RSRC1: variants seen among roughly 807,000 people sequenced by gnomAD.
RSRC1 encodes arginine and serine rich coiled-coil 1.
Under a neutral mutation model 49.1 loss-of-function variants are expected in RSRC1, and 39 were observed. The ratio of observed to expected loss-of-function variants is 0.79; its 90% confidence interval spans 0.61 to 1.04. The LOEUF (loss-of-function observed/expected upper bound fraction) is 1.04. Ranked by LOEUF, RSRC1 falls within the 50% of genes least tolerant of loss-of-function variation. RSRC1 has a pLI of 0.00. For synonymous variants in RSRC1, 143 were observed against 130.8 expected (o/e 1.09, Z -0.63); for missense variants, 388 against 402.4 (o/e 0.96, Z 0.31).
chr3:158,420,709 ATC>A (rs1734995431), intron 6 of RSRC1, among the ~76,000 whole-genome samples: 1 of 151,946 alleles, frequency 6.6e-6, no homozygotes, highest in Non-Finnish European at 1.5e-5. Flanking sequence ...AGGTTTTTAT[ATC>A]TCTAAATTAT....
intron 6 of RSRC1, among the ~76,000 whole-genome samples, chr3:158,417,560 G>A (rs1259790545): frequency 6.6e-6 from 1 of 151,838 alleles, no homozygotes; most frequent in African/African-American, 2.4e-5. Flanking sequence ...TGAGACATAC[G>A]AGTGATTAGG....
chr3:158,449,310 G>A (rs906430769), intron 6 of RSRC1, among the ~76,000 whole-genome samples: 3 of 151,736 alleles, frequency 2.0e-5, no homozygotes, highest in Non-Finnish European at 4.4e-5. Flanking sequence ...ATGAAAATAC[G>A]GTTGCTGAAA....
At chr3:158,159,416 A>G (rs1276710732) in intron 3 of RSRC1, among the ~76,000 whole-genome samples, 1 of 152,204 alleles carries the variant, frequency 6.6e-6, no homozygotes, top group Non-Finnish European at 1.5e-5. Flanking sequence ...TATTATTAGT[A>G]TAGCCCTTTA....
intron 7 of RSRC1, among the ~76,000 whole-genome samples, chr3:158,507,863 A>G (rs569027347): frequency 1.3e-5 from 2 of 152,232 alleles, no homozygotes; most frequent in South Asian, 4.1e-4. Context: ...GCTTGAACTC[A>G]GGAGTTTGAG....
chr3:158,382,192 G>A (rs1026163932), intron 6 of RSRC1, among the ~76,000 whole-genome samples: 1 of 152,082 alleles, frequency 6.6e-6, no homozygotes, highest in African/African-American at 2.4e-5. Flanking sequence ...TCCATATCTT[G>A]TCCCATTGGA....
At chr3:158,401,742 G>A (rs929679570) in intron 6 of RSRC1, among the ~76,000 whole-genome samples, 1 of 152,008 alleles carries the variant, frequency 6.6e-6, no homozygotes, top group Admixed American at 6.6e-5. Context: ...ATAATAAATA[G>A]AGATACAGAG....
chr3:158,184,282 G>GA (rs59422201), intron 3 of RSRC1, among the ~76,000 whole-genome samples: 99 of 146,200 alleles, frequency 6.8e-4, no homozygotes, highest in Middle Eastern at 3.6e-3. Flanking sequence ...TATGGTTTAT[G>GA]AAAAAAAAAA....
intron 6 of RSRC1, among the ~76,000 whole-genome samples, chr3:158,375,696 T>C (rs1732320866): frequency 6.6e-6 from 1 of 152,176 alleles, no homozygotes; most frequent in Non-Finnish European, 1.5e-5. Context: ...TAAATTTTTT[T>C]ATAATGTGGA....
At chr3:158,132,418 G>A (rs1345768635) in intron 3 of RSRC1, among the ~76,000 whole-genome samples, 1 of 152,042 alleles carries the variant, frequency 6.6e-6, no homozygotes, top group Non-Finnish European at 1.5e-5. Context: ...TTTTATCTGA[G>A]GAACAAAGGA....
At chr3:158,176,312 A>G (rs986916148) in intron 3 of RSRC1, among the ~76,000 whole-genome samples, 1 of 152,222 alleles carries the variant, frequency 6.6e-6, no homozygotes. Context: ...TTTAAAGTCC[A>G]TATGGAACTA....
At chr3:158,430,586 A>G (rs1234291188) in intron 6 of RSRC1, among the ~76,000 whole-genome samples, 2 of 152,032 alleles carry the variant, frequency 1.3e-5, no homozygotes, top group South Asian at 2.1e-4. Flanking sequence ...TTTAACAAGT[A>G]TTTCTTGAAA....
intron 6 of RSRC1, among the ~76,000 whole-genome samples, chr3:158,398,165 A>T (rs902614174): frequency 6.6e-6 from 1 of 152,076 alleles, no homozygotes; most frequent in Non-Finnish European, 1.5e-5. Flanking sequence ...AATCTGTGGG[A>T]TACATTAAAA....
intron 4 of RSRC1, among the ~76,000 whole-genome samples, chr3:158,213,933 G>T (rs1721819876): frequency 6.6e-6 from 1 of 151,876 alleles, no homozygotes; most frequent in South Asian, 2.1e-4. Context: ...GGCAAAGACA[G>T]CTTTAGTGTA....
intron 4 of RSRC1, among the ~76,000 whole-genome samples, chr3:158,215,996 G>A (rs1721923994): frequency 2.0e-5 from 3 of 151,282 alleles, no homozygotes; most frequent in African/African-American, 7.3e-5. Flanking sequence ...TCTTTATCCT[G>A]AAGAGCATCC....
intron 7 of RSRC1, among the ~76,000 whole-genome samples, chr3:158,494,557 T>A (rs958763137): frequency 1.2e-4 from 19 of 152,256 alleles, no homozygotes; most frequent in Non-Finnish European, 2.4e-4. Context: ...TTTTTTACTT[T>A]ATAAACTTTA....
At chr3:158,163,306 T>G (rs150586465) in intron 3 of RSRC1, among the ~76,000 whole-genome samples, 2 of 152,126 alleles carry the variant, frequency 1.3e-5, no homozygotes, top group Non-Finnish European at 2.9e-5. Flanking sequence ...TCATGTGGCC[T>G]GAAATAATAT....
chr3:158,516,797 G>A (rs1740569092), intron 7 of RSRC1, among the ~76,000 whole-genome samples: 1 of 152,204 alleles, frequency 6.6e-6, no homozygotes, highest in Admixed American at 6.5e-5. Flanking sequence ...ATAATCTCCT[G>A]GTGCGCTATT....
At chr3:158,247,587 ATTG>A (rs1340905564) in intron 4 of RSRC1, among the ~76,000 whole-genome samples, 2 of 151,372 alleles carry the variant, frequency 1.3e-5, no homozygotes, top group East Asian at 3.9e-4. Flanking sequence ...GTTTTTCTTC[ATTG>A]TTGTTGTGTT....
rs563015373 is a variant in RSRC1 at position 158,179,937 on chromosome 3, A to G, written c.321-23135A>G. Among the ~76,000 whole-genome samples, 5 of 152,338 alleles carry G rather than the reference A, an allele frequency of 3.3e-5. No individual in the cohort carries two copies. The East Asian group carries it at 7.7e-4, about 23-fold the overall frequency. ...TGTTATCTGATCTGATAGTTGAATA[A>G]TGATATCTCATTGTAATTTTAATTT... On this transcript the variant is annotated intron_variant, in intron 3 of 9. Coordinates refer to ENST00000611884, the MANE Select transcript of RSRC1 (RefSeq NM_001271838.2).
Sources: gnomAD v4.1 joint callset for allele counts (sites outside exome capture counted in the v4.1 genomes callset) on GRCh38, gnomAD v4.1.1 for gene constraint, MANE v1.5 for transcripts, NCBI Gene and HGNC (gene_info 2026-07-23, HGNC 2026-07-21) for gene names.